The following RAB11FIP4 variants were observed in gnomAD, a reference collection of about 807,000 sequenced individuals.
RAB11FIP4 encodes RAB11 family interacting protein 4.
Under a neutral mutation model 74.3 loss-of-function variants are expected in RAB11FIP4, and 23 were observed. The ratio of observed to expected loss-of-function variants is 0.31; its 90% confidence interval spans 0.22 to 0.44. RAB11FIP4 has a LOEUF of 0.44. RAB11FIP4 is among the 20% of genes least tolerant of loss of function. The pLI is 1.00. For missense variants in RAB11FIP4, 630 were observed against 863.9 expected (o/e 0.73, Z 3.39); for synonymous variants, 360 against 359.9 (o/e 1.00, Z 0.00).
intron 3 of RAB11FIP4, among the ~76,000 whole-genome samples, chr17:31,502,521 G>C (rs932532632): frequency 1.3e-5 from 2 of 152,216 alleles, no homozygotes; most frequent in South Asian, 2.1e-4. Context: ...AGAGGTTGCA[G>C]TGAGCTGAGA....
chr17:31,450,394 G>T (rs1023190976), intron 3 of RAB11FIP4, among the ~76,000 whole-genome samples: 1 of 150,794 alleles, frequency 6.6e-6, no homozygotes, highest in African/African-American at 2.4e-5. Context: ...ACCCAGGTTG[G>T]AGTGCAGTGG....
intron 3 of RAB11FIP4, among the ~76,000 whole-genome samples, chr17:31,503,240 C>T (rs2072255077): frequency 6.7e-6 from 1 of 149,620 alleles, no homozygotes; most frequent in African/African-American, 2.6e-5. Flanking sequence ...AACATGTTGG[C>T]CAGGCTAGTC....
chr17:31,409,282 C>CT (rs1398592398), intron 1 of RAB11FIP4, among the ~76,000 whole-genome samples: 2 of 152,340 alleles, frequency 1.3e-5, no homozygotes, highest in South Asian at 2.1e-4. Context: ...AGACCACCCC[C>CT]TCTCCGCTCC....
intron 3 of RAB11FIP4, 111 bp from the exon 4 acceptor site, chr17:31,517,540 T>G: frequency 9.8e-7 from 1 of 1,016,774 alleles, no homozygotes; most frequent in East Asian, 2.6e-5. Context: ...CTGGGCCTCC[T>G]GTACCCAATC....
chr17:31,450,197 C>T (rs1291749154), intron 3 of RAB11FIP4, among the ~76,000 whole-genome samples: 1 of 152,048 alleles, frequency 6.6e-6, no homozygotes, highest in Non-Finnish European at 1.5e-5. Context: ...TCACATTTTA[C>T]TGGAACCCTG....
chr17:31,411,926 A>G (rs558687703), intron 1 of RAB11FIP4, among the ~76,000 whole-genome samples: 1 of 152,256 alleles, frequency 6.6e-6, no homozygotes. Flanking sequence ...CCCTCTGGCC[A>G]TCGTCCTTGC....
chr17:31,463,290 A>G (rs2071650183), intron 3 of RAB11FIP4, among the ~76,000 whole-genome samples: 1 of 152,136 alleles, frequency 6.6e-6, no homozygotes, highest in Admixed American at 6.5e-5. Flanking sequence ...TCTGAGCCTC[A>G]TCTTCCCTAC....
intron 1 of RAB11FIP4, among the ~76,000 whole-genome samples, chr17:31,428,689 C>T (rs992031956): frequency 5.9e-5 from 9 of 152,098 alleles, no homozygotes; most frequent in Admixed American, 3.9e-4. Context: ...GCTCAGTCAT[C>T]ACTTGTTGAA....
intron 1 of RAB11FIP4, among the ~76,000 whole-genome samples, chr17:31,428,665 G>A (rs1226226708): frequency 6.6e-6 from 1 of 152,098 alleles, no homozygotes; most frequent in Non-Finnish European, 1.5e-5. Flanking sequence ...AAGAGTGCCT[G>A]GCATGTAAGA....
intron 10 of RAB11FIP4, chr17:31,525,708 C>T (rs2072754482): frequency 5.8e-6 from 1 of 172,492 alleles, no homozygotes; most frequent in Non-Finnish European, 1.3e-5. Flanking sequence ...CCCATTAGCT[C>T]CATGGCCTTG....
At chr17:31,443,035 T>G (rs2071420512) in intron 3 of RAB11FIP4, among the ~76,000 whole-genome samples, 1 of 152,058 alleles carries the variant, frequency 6.6e-6, no homozygotes, top group Admixed American at 6.6e-5. Context: ...TCTGCAGGAA[T>G]CCCATCAGGA....
chr17:31,475,389 C>T (rs2071781237), intron 3 of RAB11FIP4, among the ~76,000 whole-genome samples: 1 of 152,196 alleles, frequency 6.6e-6, no homozygotes, highest in Non-Finnish European at 1.5e-5. Context: ...CAAAGAAAGA[C>T]ATTCTAAGCT....
rs1225987604 is a variant in RAB11FIP4, at chr17:31,537,060, T to C, written c.*5328T>C. 1.5e-5 allele frequency: 6 copies of C among 399,284 alleles called. No individual in the cohort carries two copies. The highest frequency in any genetic ancestry group is 2.2e-5 in the Non-Finnish European group (5 of 226,242). 24.7% of individuals were successfully genotyped at this position (399,284 alleles called of 1,614,324 possible). A position where few individuals can be genotyped will look rare whatever the true frequency, so the allele number is the denominator to read the frequency against. On this transcript the variant is annotated 3_prime_UTR_variant, in exon 15 of 15. Coordinates refer to ENST00000621161, the MANE Select transcript of RAB11FIP4 (RefSeq NM_032932.6). ...CTGTTGTCCCCAGGGTGACCCTGCC[T>C]CCTGCTGGGGCCCATCCGCTTTGCT...
At chr17:31,455,489 T>C (rs2071570444) in intron 3 of RAB11FIP4, among the ~76,000 whole-genome samples, 1 of 152,214 alleles carries the variant, frequency 6.6e-6, no homozygotes, top group Non-Finnish European at 1.5e-5. Context: ...CAGCTCAAAA[T>C]AATCCTTATG....
chr17:31,525,030 A>G (rs2072738904), intron 9 of RAB11FIP4, 60 bp from the exon 10 acceptor site: 1 of 1,547,976 alleles, frequency 6.5e-7, no homozygotes, highest in East Asian at 2.4e-5. Flanking sequence ...CCCGTGCCAC[A>G]GCCTGGGTTG....
In RAB11FIP4 at chr17:31,524,383, A is replaced by AC. The variant is rs1201456903; in HGVS notation, c.1133+388dup. The AC allele has an allele frequency of 5.7e-5, 12 of 212,352 alleles. No homozygotes were observed. In the East Asian group the frequency reaches 1.4e-3, roughly 25 times the overall value. 13.2% of individuals were successfully genotyped at this position (212,352 alleles called of 1,614,324 possible). On this transcript the variant is annotated intron_variant, in intron 9 of 14. Transcript: ENST00000621161. Reference sequence around the variant, plus strand: ...AGCTGGGCGGTGGGAAGGGTCCAGCACTGCTGCTGATGGAGGTCCCCTGAG... The same window carrying AC: ...AGCTGGGCGGTGGGAAGGGTCCAGCACCTGCTGCTGATGGAGGTCCCCTGAG...
At chr17:31,407,016 A>G (rs1597900185) in intron 1 of RAB11FIP4, among the ~76,000 whole-genome samples, 1 of 131,778 alleles carries the variant, frequency 7.6e-6, no homozygotes, top group African/African-American at 2.6e-5. Flanking sequence ...GTGTTTTGAC[A>G]CATTTGTTTT....
In RAB11FIP4 at chr17:31,527,900, T is replaced by A. The variant is rs1167703595; in HGVS notation, c.1333T>A (p.Ser445Thr). Residue 445 changes from serine to threonine, a missense_variant, in exon 11 of 15, where the codon TCT becomes ACT. By Grantham distance (58) the Ser-to-Thr change is moderately conservative. Coordinates refer to ENST00000621161, the MANE Select transcript of RAB11FIP4 (RefSeq NM_032932.6). The stretch of plus-strand genomic sequence containing the variant: ...TAGAACAACAGTGACTCGGCTCAAG[T>A]CTCAAACAGAGAAACTGGATGAGGT... Reference protein sequence around the residue: ...ELRTTVTRLKSQTEKLDEERQ... With the variant: ...ELRTTVTRLKTQTEKLDEERQ... 6.2e-7 allele frequency: 1 copy of A among 1,603,382 alleles called. No individual in the cohort carries two copies. The highest frequency in any genetic ancestry group is 1.1e-5 in the South Asian group (1 of 88,548).
intron 3 of RAB11FIP4, among the ~76,000 whole-genome samples, chr17:31,505,645 A>AT (rs1567681562): frequency 0.019 from 1,757 of 94,428 alleles, 87 homozygotes; most frequent in African/African-American, 0.098. Context: ...TAATAATTAT[A>AT]TATAATATAT....
Sources: allele counts gnomAD v4.1 joint callset (sites outside exome capture counted in the v4.1 genomes callset), GRCh38; gene constraint gnomAD v4.1.1; transcripts MANE v1.5; gene names NCBI Gene and HGNC (gene_info 2026-07-23, HGNC 2026-07-21).